TPRG1: variants seen among roughly 807,000 people sequenced by gnomAD.
TPRG1 encodes tumor protein p63-regulated gene 1 protein.
A neutral mutation model predicts 29.3 loss-of-function variants in TPRG1; 29 were observed. The observed-to-expected ratio is 0.99, with a 90% CI of 0.74 to 1.35. The LOEUF (loss-of-function observed/expected upper bound fraction) is 1.35, where lower values mean the gene tolerates loss of function less well. TPRG1 is among the 40% of genes most tolerant of loss of function. The pLI, the probability that TPRG1 is intolerant of heterozygous loss-of-function variation, is 0.00. For missense variants in TPRG1, 327 were observed against 335.0 expected (o/e 0.98, Z 0.19); for synonymous variants, 130 against 116.8 (o/e 1.11, Z -0.73).
intron 4 of TPRG1, among the ~76,000 whole-genome samples, chr3:189,301,298 CAAAAAAAAAA>C (rs10618021): frequency 2.3e-5 from 1 of 43,604 alleles, no homozygotes; most frequent in Non-Finnish European, 4.2e-5. Flanking sequence ...GACTCCATCT[CAAAAAAAAAA>C]AAAAAAAAAA....
intron 1 of TPRG1, among the ~76,000 whole-genome samples, chr3:189,183,010 T>C (rs954738849): frequency 1.3e-5 from 2 of 152,198 alleles, no homozygotes; most frequent in South Asian, 2.1e-4. Flanking sequence ...ATTAACTAAG[T>C]AGAGTAGCAA....
At chr3:189,289,254 T>C (rs2109190562) in intron 4 of TPRG1, among the ~76,000 whole-genome samples, 1 of 152,282 alleles carries the variant, frequency 6.6e-6, no homozygotes, top group East Asian at 1.9e-4. Flanking sequence ...ATCTTCCCAA[T>C]TATGCAGGCT....
At chr3:189,180,973 A>G (rs1203846398) in intron 1 of TPRG1, among the ~76,000 whole-genome samples, 1 of 152,102 alleles carries the variant, frequency 6.6e-6, no homozygotes, top group Non-Finnish European at 1.5e-5. Flanking sequence ...CCAGTTCTTG[A>G]CTTCTGTGTA....
intron 1 of TPRG1, among the ~76,000 whole-genome samples, chr3:189,187,180 G>T (rs934158480): frequency 6.6e-6 from 1 of 151,850 alleles, no homozygotes; most frequent in African/African-American, 2.4e-5. Context: ...TAGAGACGGG[G>T]TTTTGCCATG....
chr3:189,112,418 G>C (rs1720640335), intron 1 of TPRG1, among the ~76,000 whole-genome samples: 1 of 152,182 alleles, frequency 6.6e-6, no homozygotes, highest in South Asian at 2.1e-4. Context: ...TGTTGCCATT[G>C]CTTTTGATGT....
intron 4 of TPRG1, among the ~76,000 whole-genome samples, chr3:189,270,502 G>A (rs1714931764): frequency 6.6e-6 from 1 of 152,236 alleles, no homozygotes. Flanking sequence ...GGCTCAGTCA[G>A]CACTGAATGT....
chr3:189,274,583 A>C (rs910554618), intron 4 of TPRG1, among the ~76,000 whole-genome samples: 13 of 152,130 alleles, frequency 8.5e-5, no homozygotes, highest in African/African-American at 3.1e-4. Flanking sequence ...AGATAGTAGC[A>C]CTGAGACTTC....
In TPRG1 at chr3:189,061,997, T is replaced by G. The variant is rs185432589; in HGVS notation, c.-463+38051T>G. Among the ~76,000 whole-genome samples, 874 of 152,338 alleles carry G rather than the reference T, an allele frequency of 5.7e-3. 7 individuals carry two copies. Among genetic ancestry groups the G allele is most frequent in the African/African-American group, 0.012 (485 of 41,582 alleles). On this transcript the variant is annotated intron_variant, in intron 4 of 10. Coordinates refer to the TPRG1 transcript ENST00000433971. ...AAGACACATGCCTGTGAATGTTCACTGCAGCACTATTCACAATAGCAAAGA... is the reference window on the plus strand; with the variant it reads ...AAGACACATGCCTGTGAATGTTCACGGCAGCACTATTCACAATAGCAAAGA...
At chr3:189,312,867 T>C (rs1230712136) in intron 5 of TPRG1, among the ~76,000 whole-genome samples, 1 of 152,228 alleles carries the variant, frequency 6.6e-6, no homozygotes, top group African/African-American at 2.4e-5. Flanking sequence ...AGGAAATTGA[T>C]GTTCATGTAG....
At chr3:188,998,317 G>A (rs900650813) in intron 1 of TPRG1, among the ~76,000 whole-genome samples, 1 of 152,172 alleles carries the variant, frequency 6.6e-6, no homozygotes, top group Non-Finnish European at 1.5e-5. Context: ...GAAGAAGCTA[G>A]CTCTGAGAAA....
At chr3:189,206,829 G>GTGTGTGTGTGTGTGTGTGTGTGTA (rs57361380) in intron 1 of TPRG1, among the ~76,000 whole-genome samples, 19 of 151,608 alleles carry the variant, frequency 1.3e-4, no homozygotes, top group African/African-American at 4.1e-4. Context: ...GTGTGTGTGT[G>GTGTGTGTGTGTGTGTGTGTGTGTA]CACGCGTGTA....
intron 2 of TPRG1, 118 bp from the exon 3 acceptor site, chr3:189,215,174 A>G (rs1171231713): frequency 5.3e-6 from 4 of 751,380 alleles, no homozygotes; most frequent in Non-Finnish European, 8.2e-6. Context: ...AGGCAACTGC[A>G]TAAACTATAT....
At chr3:189,239,032 G>A in intron 4 of TPRG1, 123 bp downstream of exon 4, 1 of 790,774 alleles carries the variant, frequency 1.3e-6, no homozygotes, top group Non-Finnish European at 1.9e-6. Flanking sequence ...GTGAAATCAT[G>A]AAAGTTGAAA....
At chr3:189,051,007 C>T (rs1254163699) in intron 4 of TPRG1, among the ~76,000 whole-genome samples, 1 of 152,118 alleles carries the variant, frequency 6.6e-6, no homozygotes. Context: ...GAAAGCATTC[C>T]CTCTGAGAAC....
At chr3:189,214,753 C>T (rs1735771964) in intron 2 of TPRG1, among the ~76,000 whole-genome samples, 1 of 152,062 alleles carries the variant, frequency 6.6e-6, no homozygotes, top group African/African-American at 2.4e-5. Context: ...AGTCTATGAA[C>T]TTACTAGAAC....
intron 3 of TPRG1, among the ~76,000 whole-genome samples, chr3:189,023,023 G>T (rs566498089): frequency 6.6e-6 from 1 of 152,210 alleles, no homozygotes; most frequent in Non-Finnish European, 1.5e-5. Context: ...TCTTTGACTC[G>T]GAAAGGGAAC....
intron 3 of TPRG1, among the ~76,000 whole-genome samples, chr3:189,135,129 T>A (rs1723589887): frequency 6.6e-6 from 1 of 152,196 alleles, no homozygotes. Context: ...TGAACTTGGA[T>A]GCAGTCAGTA....
At chr3:189,210,459 G>C (rs10513832) in intron 2 of TPRG1, among the ~76,000 whole-genome samples, 17,644 of 152,108 alleles carry the variant, frequency 0.12, 3,051 homozygotes, top group African/African-American at 0.37. Flanking sequence ...CTCATTTTCT[G>C]AAGGGATAAT....
chr3:189,168,227 G>GATATTTTCAAATAAAATATGC (rs1384780482), upstream of TPRG1, among the ~76,000 whole-genome samples: 8 of 152,174 alleles, frequency 5.3e-5, no homozygotes, highest in Non-Finnish European at 8.8e-5. Flanking sequence ...GGAGGAAGCA[G>GATATTTTCAAATAAAATATGC]ATATTTTCAA....
Sources: allele counts gnomAD v4.1 joint callset (sites outside exome capture counted in the v4.1 genomes callset), GRCh38; gene constraint gnomAD v4.1.1; transcripts MANE v1.5; gene names NCBI Gene and HGNC (gene_info 2026-07-23, HGNC 2026-07-21).